SLC9C1: variants seen among roughly 807,000 people sequenced by gnomAD.
The protein encoded by SLC9C1 is sodium/hydrogen exchanger 10.
A neutral mutation model predicts 140.9 loss-of-function variants in SLC9C1; 97 were observed. The observed-to-expected ratio is 0.69, with a 90% CI of 0.58 to 0.82. The LOEUF is 0.82. Among genes scored for constraint, SLC9C1 ranks in the 40% least tolerant of loss-of-function variants. SLC9C1 has a pLI of 0.00. For missense variants in SLC9C1, 1,340 were observed against 1,389.3 expected, an observed-to-expected ratio of 0.96 and a Z score of 0.56; for synonymous variants, 440 against 442.6, an observed-to-expected ratio of 0.99 and a Z score of 0.07.
chr3:112,248,897 A>C (rs553668352), intron 10 of SLC9C1, among the ~76,000 whole-genome samples: 2 of 152,288 alleles, frequency 1.3e-5, no homozygotes, highest in South Asian at 4.1e-4. Flanking sequence ...TCTGCACACA[A>C]AGATAGTTTT....
intron 28 of SLC9C1, 116 bp from the exon 29 acceptor site, chr3:112,141,397 CTT>C: frequency 9.5e-7 from 1 of 1,048,714 alleles, no homozygotes. Context: ...ATAAGACACA[CTT>C]GGTCATTTTT....
At chr3:112,245,489 TTC>T (rs2108236003) in intron 10 of SLC9C1, among the ~76,000 whole-genome samples, 1 of 152,180 alleles carries the variant, frequency 6.6e-6, no homozygotes, top group East Asian at 1.9e-4. Context: ...AAAATATTTT[TTC>T]TCTCATTGAA....
At chr3:112,268,055 G>A (rs938748170) in intron 7 of SLC9C1, among the ~76,000 whole-genome samples, 2 of 152,066 alleles carry the variant, frequency 1.3e-5, no homozygotes, top group Admixed American at 6.6e-5. Context: ...GAGACATCTC[G>A]ACTCTAAAAG....
intron 12 of SLC9C1, among the ~76,000 whole-genome samples, chr3:112,234,654 G>A (rs555685926): frequency 1.3e-5 from 2 of 152,100 alleles, no homozygotes; most frequent in Non-Finnish European, 2.9e-5. Context: ...TAATTTTTGT[G>A]TAAGGCATAA....
At chr3:112,214,387 G>T (rs574073043) in intron 15 of SLC9C1, among the ~76,000 whole-genome samples, 1 of 151,864 alleles carries the variant, frequency 6.6e-6, no homozygotes, top group Non-Finnish European at 1.5e-5. Flanking sequence ...ATAGAGACAC[G>T]AAAAACCGTT....
At chr3:112,198,851 T>C (rs539508331) in intron 20 of SLC9C1, among the ~76,000 whole-genome samples, 15 of 152,086 alleles carry the variant, frequency 9.9e-5, no homozygotes, top group African/African-American at 2.6e-4. Flanking sequence ...AATTTTGGTG[T>C]CAAGTTTGTA....
At chr3:112,181,471 G>A (rs2077437866) in intron 21 of SLC9C1, among the ~76,000 whole-genome samples, 1 of 152,188 alleles carries the variant, frequency 6.6e-6, no homozygotes, top group Non-Finnish European at 1.5e-5. Flanking sequence ...GAACAAGTTA[G>A]ATCCATTTAT....
intron 10 of SLC9C1, among the ~76,000 whole-genome samples, chr3:112,255,335 G>A (rs574539290): frequency 1.3e-4 from 19 of 151,990 alleles, no homozygotes; most frequent in East Asian, 9.7e-4. Context: ...ACAATCAAAC[G>A]TAAAACAATC....
At chr3:112,147,138 A>G (rs564195078) in intron 28 of SLC9C1, among the ~76,000 whole-genome samples, 1 of 151,922 alleles carries the variant, frequency 6.6e-6, no homozygotes, top group African/African-American at 2.4e-5. Flanking sequence ...TTTGTTTTCC[A>G]TTTGCATGGT....
intron 2 of SLC9C1, among the ~76,000 whole-genome samples, chr3:112,286,456 T>C (rs2080510469): frequency 6.6e-6 from 1 of 152,206 alleles, no homozygotes; most frequent in Admixed American, 6.5e-5. Context: ...GACCCTGACA[T>C]AGCAAGTAAG....
chr3:112,289,751 G>T (rs917429074), intron 1 of SLC9C1, among the ~76,000 whole-genome samples: 2 of 152,152 alleles, frequency 1.3e-5, no homozygotes, highest in East Asian at 1.9e-4. Context: ...TTCCTCAAAG[G>T]ATTTCTAAAT....
intron 2 of SLC9C1, among the ~76,000 whole-genome samples, chr3:112,284,970 A>G (rs1164106221): frequency 2.0e-5 from 3 of 149,352 alleles, no homozygotes; most frequent in Non-Finnish European, 4.4e-5. Flanking sequence ...ATTATTAGAA[A>G]AAAATACAAT....
At position 112,168,904 on chromosome 3, in the gene SLC9C1, A is replaced by G. The variant is rs768069735; in HGVS notation, c.3210T>C (p.Pro1070=). ...GATGGCATGTTATAGGAATTAAGAA[A>G]GGTGCTCTATAAGTTTTTCGTAACA... ...DCLLRKTYRA[P]FLIPITCHQI... Residue 1070 remains proline, a synonymous_variant, in exon 25 of 29, where the codon CCT becomes CCC. Coordinates refer to ENST00000305815, the MANE Select transcript of SLC9C1 (RefSeq NM_183061.3). 1.9e-6 allele frequency: 3 copies of G among 1,598,196 alleles called. No individual in the cohort carries two copies. Among genetic ancestry groups the G allele is most frequent in the East Asian group, 2.2e-5 (1 of 44,772 alleles).
At chr3:112,236,243 T>C (rs2078982586) in intron 12 of SLC9C1, among the ~76,000 whole-genome samples, 1 of 152,236 alleles carries the variant, frequency 6.6e-6, no homozygotes, top group African/African-American at 2.4e-5. Context: ...CTAGATTTTC[T>C]AGTTTATTTG....
intron 15 of SLC9C1, among the ~76,000 whole-genome samples, chr3:112,209,878 C>T (rs1438896335): frequency 6.6e-6 from 1 of 152,070 alleles, no homozygotes; most frequent in Non-Finnish European, 1.5e-5. Flanking sequence ...GTTTGGAAGG[C>T]TTAATATTGA....
intron 25 of SLC9C1, among the ~76,000 whole-genome samples, chr3:112,167,765 T>C (rs1409030365): frequency 6.6e-6 from 1 of 152,170 alleles, no homozygotes; most frequent in Non-Finnish European, 1.5e-5. Flanking sequence ...ATAGTTTGAA[T>C]CACACTGGTA....
At chr3:112,193,636 A>G (rs1166033083) in intron 20 of SLC9C1, among the ~76,000 whole-genome samples, 1 of 151,904 alleles carries the variant, frequency 6.6e-6, no homozygotes, top group African/African-American at 2.4e-5. Flanking sequence ...GTCATTGGGC[A>G]GGCCAGGGGT....
chr3:112,165,682 TG>T (rs1560020442), intron 26 of SLC9C1, among the ~76,000 whole-genome samples: 1 of 152,300 alleles, frequency 6.6e-6, no homozygotes, highest in East Asian at 1.9e-4. Flanking sequence ...CTGTCCCTAC[TG>T]GGGGGTGCCT....
intron 2 of SLC9C1, among the ~76,000 whole-genome samples, chr3:112,285,877 T>C (rs1354452887): frequency 2.6e-5 from 4 of 152,174 alleles, no homozygotes; most frequent in Admixed American, 1.3e-4. Flanking sequence ...GCAGTCCTCC[T>C]ACCTCAGCCT....
Sources: gnomAD v4.1 joint callset for allele counts (sites outside exome capture counted in the v4.1 genomes callset) on GRCh38, gnomAD v4.1.1 for gene constraint, MANE v1.5 for transcripts, NCBI Gene and HGNC (gene_info 2026-07-23, HGNC 2026-07-21) for gene names.